The following CMTM3 variants were observed in gnomAD, a reference collection of about 807,000 sequenced individuals.
CMTM3 encodes CKLF like MARVEL transmembrane domain containing 3.
A neutral mutation model predicts 18.2 loss-of-function variants in CMTM3; 7 were observed. The ratio of observed to expected loss-of-function variants is 0.38; its 90% CI spans 0.22 to 0.72. CMTM3 has a LOEUF of 0.72. Ranked by LOEUF, CMTM3 falls within the 30% of genes least tolerant of loss-of-function variation. CMTM3 has a pLI of 0.46. For synonymous variants in CMTM3, 109 were observed against 111.2 expected, an observed-to-expected ratio of 0.98 and a Z score of 0.12; for missense variants, 227 against 249.2, an observed-to-expected ratio of 0.91 and a Z score of 0.60.
Position 66,608,500 on chromosome 16 carries a change from G to A in CMTM3, c.303+36G>A, listed in dbSNP as rs1280728163. On this transcript the variant is annotated intron_variant, in intron 2 of 4. Transcript: ENST00000567572. The surrounding 1 kb of genome is among the most constrained non-coding windows in gnomAD (Gnocchi z 5.1). ...GGGCCCCAGGAGGGAGGGGTGCCCT[G>A]CACAAAGTGGCCAGATGAGGAGTCC... 1 of 1,607,516 alleles carries A rather than the reference G, an allele frequency of 6.2e-7. No homozygotes were observed. Among genetic ancestry groups the A allele is most frequent in the Non-Finnish European group, 8.5e-7 (1 of 1,177,782 alleles).
In CMTM3 at chr16:66,613,333, A is replaced by C; in HGVS notation, c.*696A>C. ...GAAGAGCTCATAGACTGACTGGTCC[A>C]GAAGACAGAGGGTACAACAGTGGCA... On this transcript the variant is annotated 3_prime_UTR_variant, in exon 5 of 5. Coordinates refer to ENST00000567572, the MANE Select transcript of CMTM3 (RefSeq NM_181553.4). 1 of 572,458 alleles carries C rather than the reference A, an allele frequency of 1.7e-6. No homozygotes were observed. Among genetic ancestry groups the C allele is most frequent in the East Asian group, 2.9e-5 (1 of 34,844 alleles). The allele number at this position is 572,458 out of a possible 1,614,324, so 35.5% of individuals were successfully genotyped here. A position where few individuals can be genotyped will look rare whatever the true frequency, so the allele number is the denominator to read the frequency against.
In CMTM3 at chr16:66,604,923, C is replaced by A; in HGVS notation, c.118C>A (p.Leu40Ile). 6.7e-7 allele frequency: 1 copy of A among 1,497,494 alleles called. No individual in the cohort carries two copies. The highest frequency in any genetic ancestry group is 8.8e-7 in the Non-Finnish European group (1 of 1,133,640). The allele number at this position is 1,497,494 out of a possible 1,614,324, so 92.8% of individuals were successfully genotyped here. A position where few individuals can be genotyped will look rare whatever the true frequency, so the allele number is the denominator to read the frequency against. ...LLPARAFLCS[L>I]KGRLLLAESG... ...GCCGGCGCGGGCTTTCCTCTGCTCT[C>A]TCAAAGGCCGCCTCCTGCTGGCCGA... The change falls in exon 1 of 5, where the codon CTC (leucine) becomes ATC (isoleucine). Residue 40 changes from leucine (L) to isoleucine (I), a missense_variant. Physicochemically the swap from Leu to Ile is conservative, Grantham distance 5 (BLOSUM62 2). Coordinates refer to ENST00000567572, the MANE Select transcript of CMTM3 (RefSeq NM_181553.4).
At chr16:66,606,708 C>G (rs982097067) in intron 1 of CMTM3, among the ~76,000 whole-genome samples, 13 of 152,310 alleles carry the variant, frequency 8.5e-5, no homozygotes, top group African/African-American at 2.6e-4. Flanking sequence ...AGAACTCTAC[C>G]TGGGCCGGGC....
chr16:66,609,991 C>T lies in CMTM3; in HGVS notation c.508C>T (p.His170Tyr), dbSNP rs912570094. 6.2e-7 allele frequency: 1 copy of T among 1,614,188 alleles called. No homozygotes were observed. The highest frequency in any genetic ancestry group is 1.7e-5 in the Admixed American group (1 of 60,026). ...QGDSADETTA[H>Y]KTEEENSDSD... ...GGACTCTGCAGATGAGACCACAGCC[C>T]ACAAGACAGAAGGTAAGCGGCTGCC... The change falls in exon 4 of 5, where the codon CAC (histidine) becomes TAC (tyrosine). Residue 170 changes from histidine to tyrosine, a missense_variant. His to Tyr is a moderately conservative substitution (Grantham distance 83). Coordinates refer to ENST00000567572, the MANE Select transcript of CMTM3 (RefSeq NM_181553.4). This position sits in a 1 kb window ranked among gnomAD's most constrained non-coding sequence, Gnocchi z 4.4.
chr16:66,606,024 C>T (rs569514493), intron 1 of CMTM3, among the ~76,000 whole-genome samples: 78 of 151,472 alleles, frequency 5.1e-4, no homozygotes, highest in African/African-American at 1.9e-3. Flanking sequence ...GTGGCTTGAA[C>T]CCCCCCATCC....
chr16:66,604,552 G>C (rs1211756575), upstream of CMTM3: 2 of 308,878 alleles, frequency 6.5e-6, no homozygotes, highest in African/African-American at 4.4e-5. Context: ...GGGTGAAGAA[G>C]AAGGTGGAGT....
At position 66,612,585 on chromosome 16, in the gene CMTM3, G is replaced by A. The variant is rs912051972; in HGVS notation, c.521-24G>A. The stretch of plus-strand genomic sequence containing the variant: ...ACCGCTGCCCTGAGCCTCCTGCCAA[G>A]CATCCTCTCTGCTTTCCTTTCAGAA... On this transcript the variant is annotated intron_variant, in intron 4 of 4. Coordinates refer to ENST00000567572, the MANE Select transcript of CMTM3 (RefSeq NM_181553.4). The surrounding 1 kb of genome is among the most constrained non-coding windows in gnomAD (Gnocchi z 6.0). 2.0e-5 allele frequency: 32 copies of A among 1,613,538 alleles called. No homozygotes were observed. The highest frequency in any genetic ancestry group is 2.5e-5 in the Non-Finnish European group (29 of 1,179,816).
Position 66,605,014 on chromosome 16 carries a change from C to A in CMTM3, c.147+62C>A. 7.4e-7 allele frequency: 1 copy of A among 1,344,838 alleles called. No homozygotes were observed. The highest frequency in any genetic ancestry group is 9.6e-7 in the Non-Finnish European group (1 of 1,046,358). 83.3% of individuals were successfully genotyped at this position (1,344,838 alleles called of 1,614,324 possible). On this transcript the variant is annotated intron_variant, in intron 1 of 4. Transcript: ENST00000567572. This position sits in a 1 kb window ranked among gnomAD's most constrained non-coding sequence, Gnocchi z 4.6. ...CTGCGCGGCTCCTTTCGGAGGAGGA[C>A]GTCGGGGCGCGGGTGGGGTCCGGGG... is the stretch of plus-strand genomic sequence containing the variant.
chr16:66,609,590 G>T lies in CMTM3; in HGVS notation c.399+60G>T. On this transcript the variant is annotated intron_variant, in intron 3 of 4. Transcript: ENST00000567572. The surrounding 1 kb of genome is among the most constrained non-coding windows in gnomAD (Gnocchi z 4.4). ...ATGCCCCTCTAGCCCCTCATTTAGGGTGGGACCTGGGGCAGAGCCTTTCCC... is the reference window on the plus strand; with the variant it reads ...ATGCCCCTCTAGCCCCTCATTTAGGTTGGGACCTGGGGCAGAGCCTTTCCC... 6.5e-7 allele frequency: 1 copy of T among 1,533,898 alleles called. No homozygotes were observed. The highest frequency in any genetic ancestry group is 1.2e-5 in the South Asian group (1 of 84,142).
In CMTM3 at chr16:66,612,519, C is replaced by A; in HGVS notation, c.521-90C>A. ...CAGGAGGCCTGCACCCAGGCTCCTG[C>A]CAGCAACCCAGCTGTGCTTCCCCAG... On this transcript the variant is annotated intron_variant, in intron 4 of 4. Transcript: ENST00000567572. This position sits in a 1 kb window ranked among gnomAD's most constrained non-coding sequence, Gnocchi z 6.0. The A allele has an allele frequency of 7.2e-7, 1 of 1,394,322 alleles. No individual in the cohort carries two copies. Among genetic ancestry groups the A allele is most frequent in the Non-Finnish European group, 1.0e-6 (1 of 997,738 alleles). 86.4% of individuals were successfully genotyped at this position (1,394,322 alleles called of 1,614,324 possible). A position where few individuals can be genotyped will look rare whatever the true frequency, so the allele number is the denominator to read the frequency against.
intron 1 of CMTM3, among the ~76,000 whole-genome samples, chr16:66,606,289 G>T (rs1340103025): frequency 4.6e-5 from 7 of 152,100 alleles, no homozygotes; most frequent in Non-Finnish European, 1.0e-4. Context: ...ATCGCGGGAT[G>T]AAAAAACAGG....
At chr16:66,611,001 G>A (rs990088046) in intron 4 of CMTM3, 4 of 397,776 alleles carry the variant, frequency 1.0e-5, no homozygotes, top group East Asian at 7.1e-5. Context: ...CCAGTTGCCC[G>A]CAGCAAGTGA....
At chr16:66,607,658 A>G (rs1259145404) in intron 1 of CMTM3, among the ~76,000 whole-genome samples, 1 of 152,078 alleles carries the variant, frequency 6.6e-6, no homozygotes, top group African/African-American at 2.4e-5. Context: ...CTTTTTGGAA[A>G]CTGGTTCCTG....
rs777928679 is a variant in CMTM3, at chr16:66,608,859, G to T, written c.303+395G>T. Among the ~76,000 whole-genome samples, 1 of 152,210 alleles carries T rather than the reference G, an allele frequency of 6.6e-6. No individual in the cohort carries two copies. Among genetic ancestry groups the T allele is most frequent in the Non-Finnish European group, 1.5e-5 (1 of 68,038 alleles). ...TTCAGCCATCGGCAACCCTGACCTC[G>T]TTTTATCACCTGTGAGGGCCCAGAC... On this transcript the variant is annotated intron_variant, in intron 2 of 4. Transcript: ENST00000567572. This position sits in a 1 kb window ranked among gnomAD's most constrained non-coding sequence, Gnocchi z 5.1.
In CMTM3 at chr16:66,612,743, G is replaced by A. The variant is rs1374507663; in HGVS notation, c.*106G>A. The stretch of plus-strand genomic sequence containing the variant: ...GAGGCCTGGACTTCTGAGTTGCAGA[G>A]GGGGCTGCGGACACAGCAGGCCCCC... On this transcript the variant is annotated 3_prime_UTR_variant, in exon 5 of 5. Transcript: ENST00000567572. This position sits in a 1 kb window ranked among gnomAD's most constrained non-coding sequence, Gnocchi z 6.0. 1 of 1,134,208 alleles carries A rather than the reference G, an allele frequency of 8.8e-7. No individual in the cohort carries two copies. Among genetic ancestry groups the A allele is most frequent in the South Asian group, 1.4e-5 (1 of 73,996 alleles). 70.3% of individuals were successfully genotyped at this position (1,134,208 alleles called of 1,614,324 possible). A position where few individuals can be genotyped will look rare whatever the true frequency, so the allele number is the denominator to read the frequency against.
chr16:66,604,593 G>T, upstream of CMTM3: 1 of 352,284 alleles, frequency 2.8e-6, no homozygotes, highest in Non-Finnish European at 5.0e-6. Flanking sequence ...GGAGGGGGCG[G>T]GTCGGGCCCA....
At position 66,605,599 on chromosome 16, in the gene CMTM3, G is replaced by GAGGGAGAGGCCGGGCCGGAGAC. The variant is rs1365170493; in HGVS notation, c.147+648_147+669dup. On this transcript the variant is annotated intron_variant, in intron 1 of 4. Transcript: ENST00000567572. The surrounding 1 kb of genome is among the most constrained non-coding windows in gnomAD (Gnocchi z 4.6). ...GTGGCGCTGGGCCGTTGGGGATGGG[G>GAGGGAGAGGCCGGGCCGGAGAC]AGGGAGAGGCCGGGCCGGAGACCGG... The GAGGGAGAGGCCGGGCCGGAGAC allele has an allele frequency of 2.6e-5, 4 of 153,118 alleles. No individual in the cohort carries two copies. The highest frequency in any genetic ancestry group is 6.5e-5 in the Admixed American group (1 of 15,294). 9.5% of individuals were successfully genotyped at this position (153,118 alleles called of 1,614,324 possible). A position where few individuals can be genotyped will look rare whatever the true frequency, so the allele number is the denominator to read the frequency against.
rs1346219873 is a variant in CMTM3 at position 66,608,810 on chromosome 16, A to AG, written c.303+348dup. 6.6e-6 allele frequency among the ~76,000 whole-genome samples: 1 copy of AG among 152,248 alleles called. No homozygotes were observed. Among genetic ancestry groups the AG allele is most frequent in the African/African-American group, 2.4e-5 (1 of 41,474 alleles). On this transcript the variant is annotated intron_variant, in intron 2 of 4. Transcript: ENST00000567572. This position sits in a 1 kb window ranked among gnomAD's most constrained non-coding sequence, Gnocchi z 5.1. Reference sequence around the variant, plus strand: ...CCACGTGGGCAGGACAGGTTAACTGAGGACTTGCAGGGCTTACCCAGACTT... The same window carrying AG: ...CCACGTGGGCAGGACAGGTTAACTGAGGGACTTGCAGGGCTTACCCAGACTT...
Position 66,604,877 on chromosome 16 carries a change from C to T in CMTM3, c.72C>T (p.Val24=). The T allele has an allele frequency of 1.4e-6, 2 of 1,423,846 alleles. No individual in the cohort carries two copies. Among genetic ancestry groups the T allele is most frequent in the Non-Finnish European group, 1.8e-6 (2 of 1,092,910 alleles). 88.2% of individuals were successfully genotyped at this position (1,423,846 alleles called of 1,614,324 possible). The change falls in exon 1 of 5, where the codon GTC becomes GTT. Residue 24 remains valine (V), a synonymous_variant. Transcript: ENST00000567572. The part of the protein sequence containing the change: ...PAGGSRPGPA[V]PGLRALLPAR... ...GCGGCTCCCGTCCCGGCCCCGCGGTCCCCGGGCTCCGCGCCCTGCTGCCGG... is the reference window on the plus strand; with the variant it reads ...GCGGCTCCCGTCCCGGCCCCGCGGTTCCCGGGCTCCGCGCCCTGCTGCCGG...
Sources: gnomAD v4.1 joint callset for allele counts (sites outside exome capture counted in the v4.1 genomes callset) on GRCh38, gnomAD v4.1.1 for gene constraint, Gnocchi (gnomAD v3.1) non-coding constraint, MANE v1.5 for transcripts, NCBI Gene and HGNC (gene_info 2026-07-23, HGNC 2026-07-21) for gene names.